TRDN: variants seen among roughly 807,000 people sequenced by gnomAD.
TRDN encodes the protein triadin in skeletal muscle.
TRDN carries 161 observed loss-of-function variants against 149.7 expected under a neutral mutation model. That is an observed-to-expected ratio of 1.08 (90% CI 0.95 to 1.23). The LOEUF is 1.23. TRDN is among the 50% of genes most tolerant of loss of function. TRDN has a pLI of 0.00. For missense variants in TRDN, 896 were observed against 823.5 expected (o/e 1.09, Z -1.08); for synonymous variants, 294 against 250.5 (o/e 1.17, Z -1.64).
At chr6:123,586,699 A>G (rs1783504681) in intron 1 of TRDN, among the ~76,000 whole-genome samples, 1 of 151,946 alleles carries the variant, frequency 6.6e-6, no homozygotes, top group Non-Finnish European at 1.5e-5. Flanking sequence ...AGAGGTTTTA[A>G]GTTCTTAAGA....
intron 10 of TRDN, among the ~76,000 whole-genome samples, chr6:123,464,015 T>C (rs892150878): frequency 6.6e-6 from 1 of 152,188 alleles, no homozygotes; most frequent in Non-Finnish European, 1.5e-5. Flanking sequence ...TAGGTGTTTC[T>C]ACCCCTTTCT....
intron 1 of TRDN, among the ~76,000 whole-genome samples, chr6:123,632,755 C>T (rs1786074377): frequency 6.6e-6 from 1 of 151,934 alleles, no homozygotes; most frequent in Non-Finnish European, 1.5e-5. Context: ...GAGGTAAATG[C>T]AGAAACATAG....
chr6:123,602,805 C>A (rs1055954573), intron 1 of TRDN, among the ~76,000 whole-genome samples: 1 of 152,026 alleles, frequency 6.6e-6, no homozygotes, highest in East Asian at 1.9e-4. Context: ...TTCCATATGT[C>A]AGTGGACTAG....
chr6:123,574,733 A>C (rs140957051), intron 1 of TRDN, among the ~76,000 whole-genome samples: 1 of 151,618 alleles, frequency 6.6e-6, no homozygotes, highest in Non-Finnish European at 1.5e-5. Context: ...ACAGTATTAC[A>C]CATACCTGCT....
Position 123,482,401 on chromosome 6 carries a change from T to C in TRDN, c.853+14792A>G, listed in dbSNP as rs558725436. ...AATAGGCTTAACACAACAATTAAAT[T>C]CACAAATATATTCTCACTTGAATGA... On this transcript the variant is annotated intron_variant, in intron 9 of 40. Transcript: ENST00000334268. Among the ~76,000 whole-genome samples, 251 of 152,342 alleles carry C rather than the reference T, an allele frequency of 1.6e-3. 4 individuals carry two copies. Among genetic ancestry groups the C allele is most frequent in the African/African-American group, 5.7e-3 (237 of 41,582 alleles).
At chr6:123,542,411 T>C (rs941697128) in intron 4 of TRDN, among the ~76,000 whole-genome samples, 2 of 152,210 alleles carry the variant, frequency 1.3e-5, no homozygotes, top group African/African-American at 4.8e-5. Flanking sequence ...AAAAACTAAA[T>C]ATGCATAACT....
intron 24 of TRDN, among the ~76,000 whole-genome samples, chr6:123,287,001 C>T (rs1562246252): frequency 1.3e-5 from 2 of 151,992 alleles, no homozygotes; most frequent in Non-Finnish European, 2.9e-5. Flanking sequence ...CAAATTATTG[C>T]TCTGAAGGGA....
chr6:123,474,338 G>C (rs1400962607), intron 9 of TRDN, among the ~76,000 whole-genome samples: 1 of 152,068 alleles, frequency 6.6e-6, no homozygotes, highest in Non-Finnish European at 1.5e-5. Flanking sequence ...GATCAAAAGA[G>C]ACAAAGAAGG....
chr6:123,513,189 A>G (rs1392950531), intron 6 of TRDN, among the ~76,000 whole-genome samples: 1 of 152,078 alleles, frequency 6.6e-6, no homozygotes, highest in Non-Finnish European at 1.5e-5. Context: ...TACCTCCACT[A>G]CCACTTGGGA....
intron 9 of TRDN, among the ~76,000 whole-genome samples, chr6:123,479,497 A>G (rs1173476185): frequency 1.3e-5 from 2 of 152,208 alleles, no homozygotes; most frequent in African/African-American, 4.8e-5. Flanking sequence ...CTTTCAGCCT[A>G]ATGAATTCTG....
At chr6:123,619,268 G>A (rs1583332950) in intron 1 of TRDN, among the ~76,000 whole-genome samples, 1 of 152,190 alleles carries the variant, frequency 6.6e-6, no homozygotes, top group East Asian at 1.9e-4. Context: ...AGTTCAGCAG[G>A]TATGGCCTGC....
chr6:123,593,610 T>G (rs1783894597), intron 1 of TRDN, among the ~76,000 whole-genome samples: 1 of 152,224 alleles, frequency 6.6e-6, no homozygotes, highest in African/African-American at 2.4e-5. Context: ...GCTGGCTTCA[T>G]GTTAACATGG....
At chr6:123,381,909 T>C (rs1005043920) in intron 15 of TRDN, among the ~76,000 whole-genome samples, 10 of 152,000 alleles carry the variant, frequency 6.6e-5, no homozygotes, top group African/African-American at 1.9e-4. Context: ...TTTATTTCCA[T>C]TACTGCGAAA....
intron 12 of TRDN, among the ~76,000 whole-genome samples, chr6:123,426,300 G>A (rs1302353305): frequency 1.3e-5 from 2 of 152,126 alleles, no homozygotes; most frequent in Non-Finnish European, 2.9e-5. Context: ...TTTAAAAAAG[G>A]AACAGTTTGG....
At chr6:123,397,057 AC>A (rs1475739386) in intron 12 of TRDN, among the ~76,000 whole-genome samples, 78 of 151,294 alleles carry the variant, frequency 5.2e-4, no homozygotes, top group Non-Finnish European at 9.1e-4. Flanking sequence ...GAAAAAAAAA[AC>A]AGTGTATTTA....
intron 38 of TRDN, among the ~76,000 whole-genome samples, chr6:123,240,253 G>T (rs1257303386): frequency 5.9e-5 from 9 of 151,512 alleles, no homozygotes; most frequent in African/African-American, 2.2e-4. Flanking sequence ...TATTTTTAAA[G>T]AACAAAATAG....
chr6:123,543,647 A>C (rs890248714), intron 4 of TRDN, among the ~76,000 whole-genome samples: 1 of 152,102 alleles, frequency 6.6e-6, no homozygotes, highest in African/African-American at 2.4e-5. Flanking sequence ...ACAAGTTCTA[A>C]AATTTTTCAT....
chr6:123,588,371 C>A (rs899825845), intron 1 of TRDN, among the ~76,000 whole-genome samples: 40 of 152,100 alleles, frequency 2.6e-4, no homozygotes, highest in African/African-American at 9.7e-4. Context: ...AATGTTAATG[C>A]TGGCAAGTTG....
rs559783858 is a variant in TRDN at position 123,570,848 on chromosome 6, C to A, written c.232+75G>T. ...ACACTAAGATGAAACAGAAACCAAG[C>A]AGGAACTGGAGGGGACACTGTTTCT... On this transcript the variant is annotated intron_variant, in intron 2 of 40. Transcript: ENST00000334268. 7.8e-5 allele frequency: 107 copies of A among 1,368,426 alleles called. No individual in the cohort carries two copies. In the African/African-American group the frequency reaches 1.1e-3, roughly 13 times the overall value. The allele number at this position is 1,368,426 out of a possible 1,614,324, so 84.8% of individuals were successfully genotyped here.
Sources: allele counts gnomAD v4.1 joint callset (sites outside exome capture counted in the v4.1 genomes callset), GRCh38; gene constraint gnomAD v4.1.1; transcripts MANE v1.5; gene names NCBI Gene and HGNC (gene_info 2026-07-23, HGNC 2026-07-21).